BCAR1: variants seen among roughly 807,000 people sequenced by gnomAD.
BCAR1 encodes the protein BCAR1 scaffold protein, Cas family member.
Under a neutral mutation model 67.6 loss-of-function variants are expected in BCAR1, and 30 were observed. The observed-to-expected ratio is 0.44, with a 90% CI of 0.33 to 0.60. BCAR1 has a LOEUF of 0.60. Ranked by LOEUF, BCAR1 falls within the 20% of genes least tolerant of loss-of-function variation. The probability of loss-of-function intolerance (pLI) is 0.02; values close to 1 mark genes in which losing one functional copy is unlikely to be tolerated. For missense variants in BCAR1, 1,313 were observed against 1,222.3 expected (o/e 1.07, Z -1.11); for synonymous variants, 626 against 556.7 (o/e 1.12, Z -1.75).
chr16:75,260,720 G>C (rs1161124757), intron 1 of BCAR1, among the ~76,000 whole-genome samples: 2 of 147,960 alleles, frequency 1.4e-5, no homozygotes, highest in Non-Finnish European at 3.0e-5. Context: ...TAAGAGTTTC[G>C]ACTGGTAAAA....
chr16:75,259,725 G>A (rs1162877582), intron 1 of BCAR1, among the ~76,000 whole-genome samples: 2 of 151,802 alleles, frequency 1.3e-5, no homozygotes, highest in South Asian at 2.1e-4. Context: ...GGTGGCAGGC[G>A]CCTGTAATCC....
upstream of BCAR1, chr16:75,251,686 G>A (rs1224261038): frequency 5.0e-6 from 5 of 993,722 alleles, no homozygotes; most frequent in Non-Finnish European, 6.0e-6. Flanking sequence ...ATGCCCGGCC[G>A]CGCGCGCCCA....
At position 75,229,979 on chromosome 16, in the gene BCAR1, T is replaced by G. The variant is rs1265300848; in HGVS notation, c.2145A>C (p.Ile715=). 6.3e-7 allele frequency: 1 copy of G among 1,577,116 alleles called. No individual in the cohort carries two copies. The highest frequency in any genetic ancestry group is 8.6e-7 in the Non-Finnish European group (1 of 1,159,494). ...ERLEQEVSRP[I]DHDLANWTPA... ...GCGTCCAGTTGGCCAGGTCGTGGTC[T>G]ATGGGCCGTGACACCTCCTGTTCCA... The change falls in exon 7 of 7, where the codon ATA becomes ATC. Residue 715 remains isoleucine, a synonymous_variant. Transcript: ENST00000162330.
intron 1 of BCAR1, among the ~76,000 whole-genome samples, chr16:75,250,475 G>C (rs1197955597): frequency 6.6e-6 from 1 of 152,216 alleles, no homozygotes; most frequent in East Asian, 1.9e-4. Context: ...ATTCTGAGAA[G>C]GTGACCAAAG....
chr16:75,252,216 T>A (rs904196200), upstream of BCAR1: 1 of 1,536,426 alleles, frequency 6.5e-7, no homozygotes, highest in Non-Finnish European at 8.7e-7. Flanking sequence ...ACCCAGCGCT[T>A]TTCACGGGCA....
At chr16:75,239,795 G>A (rs1420515486) in intron 2 of BCAR1, among the ~76,000 whole-genome samples, 2 of 152,156 alleles carry the variant, frequency 1.3e-5, no homozygotes, top group Non-Finnish European at 1.5e-5. Flanking sequence ...CCAGCTCCAG[G>A]CACCCCAGCC....
upstream of BCAR1, among the ~76,000 whole-genome samples, chr16:75,255,470 G>C (rs899339061): frequency 6.6e-6 from 1 of 152,236 alleles, no homozygotes; most frequent in African/African-American, 2.4e-5. Flanking sequence ...GCTCACGCCT[G>C]TAATCTCAGC....
In BCAR1 at chr16:75,237,293, G is replaced by A. The variant is rs2077177513; in HGVS notation, c.685C>T (p.Pro229Ser). 3 of 1,520,392 alleles carry A rather than the reference G, an allele frequency of 2.0e-6. No individual in the cohort carries two copies. Among genetic ancestry groups the A allele is most frequent in the Non-Finnish European group, 2.6e-6 (3 of 1,137,674 alleles). 94.2% of individuals were successfully genotyped at this position (1,520,392 alleles called of 1,614,324 possible). A position where few individuals can be genotyped will look rare whatever the true frequency, so the allele number is the denominator to read the frequency against. ...GGGATGTCGTACTCGTCCTGCTCCG[G>A]CTGGGCGGCCTCGTATACATAGCCC... ...GQGYVYEAAQPEQDEYDIPRH... is the reference protein window; with the variant it reads ...GQGYVYEAAQSEQDEYDIPRH... Residue 229 changes from proline to serine, a missense_variant, in exon 3 of 7, where the codon CCG (proline) becomes TCG (serine). Physicochemically the swap from Pro to Ser is moderately conservative, Grantham distance 74. Around this residue, in one of 2 missense-constraint regions of BCAR1, gnomAD observed 1,272 missense variants for 1,137.5 expected, o/e 1.12. Transcript: ENST00000162330.
Position 75,229,535 on chromosome 16 carries a change from G to A in BCAR1, c.2589C>T (p.Val863=). Residue 863 remains valine, a synonymous_variant, in exon 7 of 7, where the codon GTC becomes GTT. Transcript: ENST00000162330. ...LGHSTQQFRR[V]LGQLAAA The stretch of plus-strand genomic sequence containing the variant: ...CTCAGGCGGCTGCCAGCTGGCCTAG[G>A]ACGCGGCGGAACTGCTGGGTGCTGT... The A allele has an allele frequency of 6.3e-7, 1 of 1,592,676 alleles. No individual in the cohort carries two copies. The highest frequency in any genetic ancestry group is 1.1e-5 in the South Asian group (1 of 89,186).
chr16:75,265,922 G>T (rs2078000510), intron 1 of BCAR1: 3 of 1,104,718 alleles, frequency 2.7e-6, no homozygotes, highest in Non-Finnish European at 3.3e-6. Context: ...GAGGCCCCGC[G>T]AGGGGTCCCG....
Position 75,229,972 on chromosome 16 carries a change from C to G in BCAR1, c.2152G>C (p.Asp718His), listed in dbSNP as rs995979152. ...EQEVSRPIDH[D>H]LANWTPAQPL... ...TGGGCTGGCGTCCAGTTGGCCAGGT[C>G]GTGGTCTATGGGCCGTGACACCTCC... Residue 718 changes from aspartate to histidine, a missense_variant, in exon 7 of 7, where the codon GAC becomes CAC. Around this residue, in one of 2 missense-constraint regions of BCAR1, gnomAD observed 1,272 missense variants for 1,137.5 expected, o/e 1.12. Transcript: ENST00000162330. The G allele has an allele frequency of 1.9e-6, 3 of 1,586,284 alleles. No individual in the cohort carries two copies. Among genetic ancestry groups the G allele is most frequent in the Non-Finnish European group, 2.6e-6 (3 of 1,163,866 alleles).
At chr16:75,248,442 C>T (rs1037092891) in intron 1 of BCAR1, 15 of 960,414 alleles carry the variant, frequency 1.6e-5, no homozygotes, top group Admixed American at 4.3e-5. Flanking sequence ...AATAAGCATG[C>T]GCCCAACTGG....
At position 75,235,466 on chromosome 16, in the gene BCAR1, A is replaced by G; in HGVS notation, c.1433T>C (p.Leu478Pro). 6.2e-7 allele frequency: 1 copy of G among 1,606,898 alleles called. No homozygotes were observed. Among genetic ancestry groups the G allele is most frequent in the Non-Finnish European group, 8.5e-7 (1 of 1,177,978 alleles). The change falls in exon 5 of 7, where the codon CTG (leucine) becomes CCG (proline). Residue 478 changes from leucine to proline, a missense_variant. This residue lies in a region of BCAR1 where 1,272 missense variants were observed against 1,137.5 expected (regional missense o/e 1.12). Coordinates refer to ENST00000162330, the MANE Select transcript of BCAR1 (RefSeq NM_014567.5). The part of the protein sequence containing the change: ...QGVSATVAHL[L>P]DLAGSAGATG... ...CGCACCGGCGCTGCCTGCCAGGTCC[A>G]GAAGGTGGGCAACGGTGGCGCTCAC...
upstream of BCAR1, chr16:75,252,445 G>A: frequency 2.8e-6 from 4 of 1,430,810 alleles, no homozygotes; most frequent in Non-Finnish European, 3.7e-6. Context: ...GGGGGAAACC[G>A]AGTGGAGACA....
At position 75,229,348 on chromosome 16, in the gene BCAR1, C is replaced by G; in HGVS notation, c.*163G>C. The G allele has an allele frequency of 8.5e-7, 1 of 1,176,532 alleles. No homozygotes were observed. The highest frequency in any genetic ancestry group is 1.1e-6 in the Non-Finnish European group (1 of 873,308). 72.9% of individuals were successfully genotyped at this position (1,176,532 alleles called of 1,614,324 possible). On this transcript the variant is annotated 3_prime_UTR_variant, in exon 7 of 7. Coordinates refer to ENST00000162330, the MANE Select transcript of BCAR1 (RefSeq NM_014567.5). Reference sequence around the variant, plus strand: ...TGAGGAGGCATGGCCCCACACCCTGCCCGGCCATAAATATATACAGATTCC... The same window carrying G: ...TGAGGAGGCATGGCCCCACACCCTGGCCGGCCATAAATATATACAGATTCC...
At chr16:75,245,541 G>C (rs1334152776) in intron 1 of BCAR1, among the ~76,000 whole-genome samples, 1 of 152,210 alleles carries the variant, frequency 6.6e-6, no homozygotes, top group Non-Finnish European at 1.5e-5. Flanking sequence ...GGGAAAGCCC[G>C]GCCCAGGTGA....
At chr16:75,254,672 C>G (rs867548258), upstream of BCAR1, among the ~76,000 whole-genome samples, 9 of 152,230 alleles carry the variant, frequency 5.9e-5, no homozygotes, top group Non-Finnish European at 1.2e-4. Context: ...CCAAGGGAGA[C>G]AGCTGCAGAT....
rs973909010 is a variant in BCAR1 at position 75,248,300 on chromosome 16, G to A, written c.12+3171C>T. ...TGCACCCGCCCCAGCACAGAGCCTC[G>A]CACATAGCAGGCACTTGGGAAACAC... On this transcript the variant is annotated intron_variant, in intron 1 of 6. Coordinates refer to ENST00000162330, the MANE Select transcript of BCAR1 (RefSeq NM_014567.5). 118 of 1,400,248 alleles carry A rather than the reference G, an allele frequency of 8.4e-5. 1 individual carries two copies. The highest frequency in any genetic ancestry group is 2.9e-4 in the African/African-American group (20 of 68,980). The allele number at this position is 1,400,248 out of a possible 1,614,324, so 86.7% of individuals were successfully genotyped here.
At chr16:75,236,264 G>T in intron 4 of BCAR1, 1 of 506,240 alleles carries the variant, frequency 2.0e-6, no homozygotes. Flanking sequence ...GACCACCCCT[G>T]TGCCTGAAGG....
Sources: gnomAD v4.1 joint callset for allele counts (sites outside exome capture counted in the v4.1 genomes callset) on GRCh38, gnomAD v4.1.1 for gene constraint, gnomAD v4.1.1 regional missense constraint, MANE v1.5 for transcripts, NCBI Gene and HGNC (gene_info 2026-07-23, HGNC 2026-07-21) for gene names.